LRP1B: variants seen among roughly 807,000 people sequenced by gnomAD.
LRP1B encodes the protein LDL receptor related protein 1B.
Under a neutral mutation model 556.6 loss-of-function variants are expected in LRP1B, and 217 were observed. The ratio of observed to expected loss-of-function variants is 0.39; its 90% CI spans 0.35 to 0.44. LRP1B has a LOEUF of 0.44. Among genes scored for constraint, LRP1B ranks in the 20% least tolerant of loss-of-function variants. The probability of loss-of-function intolerance (pLI) is 1.00; values close to 1 mark genes in which losing one functional copy is unlikely to be tolerated. For synonymous variants in LRP1B, 2,047 were observed against 1,865.8 expected (o/e 1.10, Z -2.50); for missense variants, 5,053 against 5,620.8 (o/e 0.90, Z 3.23).
intron 1 of LRP1B, among the ~76,000 whole-genome samples, chr2:141,957,655 T>C (rs1210096549): frequency 5.3e-5 from 8 of 152,046 alleles, no homozygotes; most frequent in Admixed American, 5.3e-4. Context: ...CTCCAGTTCT[T>C]GTTTTTTACA....
At chr2:141,141,233 T>C (rs1485054936) in intron 7 of LRP1B, among the ~76,000 whole-genome samples, 1 of 152,208 alleles carries the variant, frequency 6.6e-6, no homozygotes, top group Non-Finnish European at 1.5e-5. Flanking sequence ...ATCGGATTAA[T>C]AGTTTTTAAA....
intron 2 of LRP1B, among the ~76,000 whole-genome samples, chr2:141,482,118 T>A (rs1021091762): frequency 1.3e-5 from 2 of 152,098 alleles, no homozygotes; most frequent in African/African-American, 2.4e-5. Flanking sequence ...GTTTGCAATG[T>A]GATAAAATTA....
At chr2:141,440,491 G>A (rs1434139879) in intron 3 of LRP1B, among the ~76,000 whole-genome samples, 1 of 152,244 alleles carries the variant, frequency 6.6e-6, no homozygotes, top group Non-Finnish European at 1.5e-5. Context: ...AGCAACCAGG[G>A]TATCCGGGCA....
chr2:141,408,834 C>A (rs569723662), intron 3 of LRP1B, among the ~76,000 whole-genome samples: 1 of 152,210 alleles, frequency 6.6e-6, no homozygotes, highest in East Asian at 1.9e-4. Context: ...TTATTCTTCC[C>A]TATCACCTTC....
At chr2:140,558,303 GA>G (rs1343736260) in intron 43 of LRP1B, among the ~76,000 whole-genome samples, 1 of 152,080 alleles carries the variant, frequency 6.6e-6, no homozygotes, top group African/African-American at 2.4e-5. Context: ...AATTTGTACA[GA>G]AAGGATCATA....
At position 140,487,552 on chromosome 2, in the gene LRP1B, T is replaced by A. The variant is rs1181108741; in HGVS notation, c.9243+65A>T. 4 of 1,471,130 alleles carry A rather than the reference T, an allele frequency of 2.7e-6. No homozygotes were observed. In the African/African-American group the frequency reaches 4.2e-5, roughly 16 times the overall value. 91.1% of individuals were successfully genotyped at this position (1,471,130 alleles called of 1,614,324 possible). ...TAATATCATGGTCATAAAATAACATTTTCTATACAATTCAATCATACTGGT... is the reference window on the plus strand; with the variant it reads ...TAATATCATGGTCATAAAATAACATATTCTATACAATTCAATCATACTGGT... On this transcript the variant is annotated intron_variant, in intron 58 of 90. Transcript: ENST00000389484.
chr2:141,049,235 G>C lies in LRP1B; in HGVS notation c.1553-13C>G, dbSNP rs755530903. 6.5e-7 allele frequency: 1 copy of C among 1,533,550 alleles called. No homozygotes were observed. The highest frequency in any genetic ancestry group is 2.3e-5 in the East Asian group (1 of 44,368). The allele number at this position is 1,533,550 out of a possible 1,614,324, so 95.0% of individuals were successfully genotyped here. A position where few individuals can be genotyped will look rare whatever the true frequency, so the allele number is the denominator to read the frequency against. On this transcript the variant is annotated splice_polypyrimidine_tract_variant and intron_variant, in intron 10 of 90. Coordinates refer to ENST00000389484, the MANE Select transcript of LRP1B (RefSeq NM_018557.3). Reference sequence around the variant, plus strand: ...TCATTCTTTGGTCCTGCAGAGGAAAGATTACAAACACAAACAACTGATGCT... The same window carrying C: ...TCATTCTTTGGTCCTGCAGAGGAAACATTACAAACACAAACAACTGATGCT...
At chr2:140,501,128 C>A (rs1277732289) in intron 55 of LRP1B, among the ~76,000 whole-genome samples, 1 of 151,934 alleles carries the variant, frequency 6.6e-6, no homozygotes, top group Non-Finnish European at 1.5e-5. Context: ...CAGCGAATCA[C>A]CCTCTTCAGG....
intron 7 of LRP1B, among the ~76,000 whole-genome samples, chr2:141,128,664 A>C: frequency 6.6e-6 from 1 of 151,904 alleles, no homozygotes; most frequent in East Asian, 1.9e-4. Flanking sequence ...CTTGTTGCCC[A>C]GGCTGGAGTG....
At chr2:141,476,820 C>T (rs1206142568) in intron 3 of LRP1B, among the ~76,000 whole-genome samples, 1 of 151,942 alleles carries the variant, frequency 6.6e-6, no homozygotes, top group East Asian at 1.9e-4. Flanking sequence ...TATTTTGGAT[C>T]CTCTTCTGAA....
intron 3 of LRP1B, among the ~76,000 whole-genome samples, chr2:141,255,518 T>G (rs1313979006): frequency 2.6e-5 from 4 of 152,050 alleles, no homozygotes; most frequent in Non-Finnish European, 1.5e-5. Flanking sequence ...AAAGAACACC[T>G]GAAACATTCC....
intron 41 of LRP1B, among the ~76,000 whole-genome samples, chr2:140,665,215 T>C (rs1019647051): frequency 3.3e-5 from 5 of 152,214 alleles, no homozygotes; most frequent in African/African-American, 1.2e-4. Context: ...CTTTTATTCA[T>C]AGAAATTTGG....
At chr2:141,668,961 C>G (rs1457813087) in intron 2 of LRP1B, among the ~76,000 whole-genome samples, 1 of 152,072 alleles carries the variant, frequency 6.6e-6, no homozygotes, top group Non-Finnish European at 1.5e-5. Flanking sequence ...TGAGCAATAC[C>G]CCTGTGGCAC....
intron 2 of LRP1B, among the ~76,000 whole-genome samples, chr2:141,670,578 T>C (rs2105411631): frequency 6.6e-6 from 1 of 152,290 alleles, no homozygotes; most frequent in South Asian, 2.1e-4. Flanking sequence ...AATGTTAATA[T>C]CTAGTCTAAC....
intron 1 of LRP1B, among the ~76,000 whole-genome samples, chr2:141,876,234 G>A (rs145321427): frequency 3.9e-5 from 6 of 151,990 alleles, no homozygotes; most frequent in African/African-American, 1.4e-4. Flanking sequence ...GGAAATGTTT[G>A]TCTTTATTAT....
intron 7 of LRP1B, among the ~76,000 whole-genome samples, chr2:141,100,588 G>A (rs1011164002): frequency 6.6e-6 from 1 of 152,092 alleles, no homozygotes; most frequent in African/African-American, 2.4e-5. Context: ...AGACAAGTGA[G>A]GTAGAGATAT....
intron 41 of LRP1B, among the ~76,000 whole-genome samples, chr2:140,603,467 G>A (rs1424271787): frequency 3.3e-5 from 5 of 152,096 alleles, no homozygotes; most frequent in Non-Finnish European, 5.9e-5. Flanking sequence ...GCCTTTCATC[G>A]TTCACAAATA....
rs1553469382 is a variant in LRP1B at position 141,822,130 on chromosome 2, C to CAGAG, written c.83-11733_83-11730dup. ...ACACACACACACACACACACACACACAGAGAGAGAGAGAGAGAGAGAGAGA... is the reference window on the plus strand; with the variant it reads ...ACACACACACACACACACACACACACAGAGAGAGAGAGAGAGAGAGAGAGAGAGA... On this transcript the variant is annotated intron_variant, in intron 1 of 90. Coordinates refer to ENST00000389484, the MANE Select transcript of LRP1B (RefSeq NM_018557.3). 2.6e-3 allele frequency among the ~76,000 whole-genome samples: 253 copies of CAGAG among 95,890 alleles called. 7 individuals carry two copies. The highest frequency in any genetic ancestry group is 0.011 in the East Asian group (34 of 2,968). The allele number at this position is 95,890 out of a possible 152,430, so 62.9% of individuals were successfully genotyped here.
intron 58 of LRP1B, among the ~76,000 whole-genome samples, chr2:140,486,131 T>C (rs1198219660): frequency 6.6e-6 from 1 of 152,012 alleles, no homozygotes; most frequent in Admixed American, 6.6e-5. Context: ...ATAAATATAA[T>C]ATATATAAAA....
Sources: allele counts gnomAD v4.1 joint callset (sites outside exome capture counted in the v4.1 genomes callset), GRCh38; gene constraint gnomAD v4.1.1; transcripts MANE v1.5; gene names NCBI Gene and HGNC (gene_info 2026-07-23, HGNC 2026-07-21).